Variants in INPP5F observed in about 807,000 individuals in gnomAD.
The protein encoded by INPP5F is inositol polyphosphate-5-phosphatase F, also known as phosphatidylinositide 4-phosphatase SAC2.
Under a neutral mutation model 137.2 loss-of-function variants are expected in INPP5F, and 97 were observed. The observed-to-expected ratio is 0.71, with a 90% CI of 0.60 to 0.84. INPP5F has a LOEUF of 0.84. Among genes scored for constraint, INPP5F ranks in the 40% least tolerant of loss-of-function variants. The probability of loss-of-function intolerance (pLI) is 0.00; values close to 1 mark genes in which losing one functional copy is unlikely to be tolerated. For missense variants in INPP5F, 1,271 were observed against 1,371.9 expected (o/e 0.93, Z 1.16); for synonymous variants, 504 against 476.9 (o/e 1.06, Z -0.74).
At chr10:119,771,884 T>TATATATA (rs1849373704) in intron 2 of INPP5F, among the ~76,000 whole-genome samples, 9 of 29,092 alleles carry the variant, frequency 3.1e-4, no homozygotes, top group Non-Finnish European at 4.9e-4. Flanking sequence ...ATATATATAT[T>TATATATA]TTTTTTTTTT....
At chr10:119,790,526 T>A (rs1850103057) in intron 3 of INPP5F, among the ~76,000 whole-genome samples, 1 of 152,212 alleles carries the variant, frequency 6.6e-6, no homozygotes, top group Non-Finnish European at 1.5e-5. Flanking sequence ...TATTAGTTTC[T>A]ACTTCCAAAT....
In INPP5F at chr10:119,827,512, C is replaced by G. The variant is rs1419490908; in HGVS notation, c.3131C>G (p.Ser1044Cys). The G allele has an allele frequency of 6.2e-7, 1 of 1,614,200 alleles. No homozygotes were observed. Among genetic ancestry groups the G allele is most frequent in the Admixed American group, 1.7e-5 (1 of 60,026 alleles). Reference protein sequence around the residue: ...VASQKTPTSASSMLELETGLH... With the variant: ...VASQKTPTSACSMLELETGLH... Reference sequence around the variant, plus strand: ...TCTCAAAAAACCCCCACCTCCGCTTCCAGCATGCTTGAACTTGAGACAGGG... The same window carrying G: ...TCTCAAAAAACCCCCACCTCCGCTTGCAGCATGCTTGAACTTGAGACAGGG... Residue 1044 changes from serine to cysteine, a missense_variant, in exon 20 of 20, where the codon TCC becomes TGC. By Grantham distance (112) the Ser-to-Cys change is moderately radical (BLOSUM62 -1). This residue lies in a region of INPP5F where 490 missense variants were observed against 443.7 expected (regional missense o/e 1.10). Transcript: ENST00000650623.
At chr10:119,743,113 T>G (rs1412567137) in intron 1 of INPP5F, among the ~76,000 whole-genome samples, 1 of 152,256 alleles carries the variant, frequency 6.6e-6, no homozygotes, top group East Asian at 1.9e-4. Flanking sequence ...TGTCTTTGTC[T>G]CAAATAGACC....
intron 15 of INPP5F, among the ~76,000 whole-genome samples, chr10:119,818,103 C>A (rs1438766753): frequency 6.6e-6 from 1 of 152,260 alleles, no homozygotes; most frequent in South Asian, 2.1e-4. Flanking sequence ...TGTCCTGGCC[C>A]TTCTCCCATG....
chr10:119,820,105 T>C (rs557095743), intron 15 of INPP5F, among the ~76,000 whole-genome samples: 1 of 152,360 alleles, frequency 6.6e-6, no homozygotes, highest in East Asian at 1.9e-4. Flanking sequence ...ATTCAGATTC[T>C]GCCTGTGTTG....
chr10:119,785,123 T>G (rs111798654), intron 3 of INPP5F, among the ~76,000 whole-genome samples: 2,088 of 152,138 alleles, frequency 0.014, 64 homozygotes, highest in African/African-American at 0.048. Flanking sequence ...GACATTTGAG[T>G]TGTTTCCACC....
chr10:119,739,983 G>A (rs1212814729), intron 1 of INPP5F, among the ~76,000 whole-genome samples: 1 of 152,096 alleles, frequency 6.6e-6, no homozygotes, highest in Non-Finnish European at 1.5e-5. Context: ...ACATGTATTA[G>A]AAGTTATTTC....
At position 119,827,461 on chromosome 10, in the gene INPP5F, C is replaced by T; in HGVS notation, c.3080C>T (p.Ser1027Leu). Residue 1027 changes from serine to leucine, a missense_variant, in exon 20 of 20, where the codon TCA (serine) becomes TTA (leucine). Coordinates refer to ENST00000650623, the MANE Select transcript of INPP5F (RefSeq NM_014937.4). ...TCTGCAACAGGCCCACAGTTTTTGTCAGTTGAGCCAGCGCATTCAGTTGCA... is the reference window on the plus strand; with the variant it reads ...TCTGCAACAGGCCCACAGTTTTTGTTAGTTGAGCCAGCGCATTCAGTTGCA... ...SLSATGPQFLSVEPAHSVASQ... is the reference protein window; with the variant it reads ...SLSATGPQFLLVEPAHSVASQ... 1 of 1,614,186 alleles carries T rather than the reference C, an allele frequency of 6.2e-7. No homozygotes were observed. The highest frequency in any genetic ancestry group is 8.5e-7 in the Non-Finnish European group (1 of 1,180,032).
chr10:119,777,041 G>A (rs1185836064), intron 2 of INPP5F, among the ~76,000 whole-genome samples: 2 of 152,056 alleles, frequency 1.3e-5, no homozygotes, highest in African/African-American at 4.8e-5. Flanking sequence ...ATGAGCCACC[G>A]CACCTGGCCT....
At chr10:119,810,267 C>CT in intron 14 of INPP5F, 50 bp downstream of exon 14, 1 of 977,026 alleles carries the variant, frequency 1.0e-6, no homozygotes, top group South Asian at 1.4e-5. Flanking sequence ...TCTTCTGTGA[C>CT]TAATATTTTA....
intron 19 of INPP5F, chr10:119,826,048 A>G: frequency 2.5e-6 from 1 of 398,470 alleles, no homozygotes; most frequent in East Asian, 3.6e-5. Flanking sequence ...AGAAAATGGA[A>G]GTCTTACTCC....
In INPP5F at chr10:119,748,803, C is replaced by T. The variant is rs903725601; in HGVS notation, c.98-2273C>T. On this transcript the variant is annotated intron_variant, in intron 1 of 19. Transcript: ENST00000650623. The surrounding 1 kb of genome is among the most constrained non-coding windows in gnomAD (Gnocchi z 4.7). ...CCAGCTCACGGACTCCACCCGGAACCTGCAGCTCAGACCCCAGGCTTCAGG... is the reference window on the plus strand; with the variant it reads ...CCAGCTCACGGACTCCACCCGGAACTTGCAGCTCAGACCCCAGGCTTCAGG... 6.6e-6 allele frequency among the ~76,000 whole-genome samples: 1 copy of T among 152,224 alleles called. No homozygotes were observed. The highest frequency in any genetic ancestry group is 6.5e-5 in the Admixed American group (1 of 15,286).
In INPP5F at chr10:119,760,861, T is replaced by C. The variant is rs188552656; in HGVS notation, c.178+9705T>C. 1.4e-4 allele frequency among the ~76,000 whole-genome samples: 22 copies of C among 152,330 alleles called. No individual in the cohort carries two copies. The East Asian group carries it at 4.2e-3, about 29-fold the overall frequency. On this transcript the variant is annotated intron_variant, in intron 2 of 19. Transcript: ENST00000650623. ...GATTAACTTGTATTGTGAGTAAAAA[T>C]CCTGATTGTCTTTAGTATGCTGGAG...
intron 1 of INPP5F, among the ~76,000 whole-genome samples, chr10:119,726,632 G>T (rs920128395): frequency 1.3e-5 from 2 of 152,238 alleles, no homozygotes; most frequent in Non-Finnish European, 2.9e-5. Flanking sequence ...CTTGGGGCTT[G>T]GGGCCCAGGC....
intron 1 of INPP5F, among the ~76,000 whole-genome samples, chr10:119,738,860 C>T (rs549409496): frequency 1.8e-4 from 28 of 152,068 alleles, no homozygotes; most frequent in African/African-American, 6.7e-4. Context: ...CTAGAGTTTT[C>T]AAGATAATAT....
intron 1 of INPP5F, among the ~76,000 whole-genome samples, chr10:119,747,284 T>TA (rs1379869041): frequency 6.6e-6 from 1 of 152,006 alleles, no homozygotes; most frequent in Non-Finnish European, 1.5e-5. Context: ...AGTGCAGTGG[T>TA]ATGATCTCAG....
chr10:119,796,530 GA>G (rs897134051), intron 6 of INPP5F, among the ~76,000 whole-genome samples, 184 bp from the exon 7 acceptor site: 1 of 152,124 alleles, frequency 6.6e-6, no homozygotes, highest in African/African-American at 2.4e-5. Context: ...TCACCATAAA[GA>G]AAAGGAAAGA....
chr10:119,752,603 A>C (rs1171618435), intron 2 of INPP5F, among the ~76,000 whole-genome samples: 1 of 151,354 alleles, frequency 6.6e-6, no homozygotes, highest in South Asian at 2.1e-4. Context: ...AAAAAAAAAA[A>C]GAAATGAAAT....
intron 1 of INPP5F, among the ~76,000 whole-genome samples, chr10:119,729,744 ATTTTTTTTTT>A (rs34359657): frequency 2.3e-5 from 3 of 128,234 alleles, no homozygotes; most frequent in Non-Finnish European, 5.0e-5. Flanking sequence ...CACCTGGCTA[ATTTTTTTTTT>A]TTTTTTTTTT....
Sources: allele counts gnomAD v4.1 joint callset (sites outside exome capture counted in the v4.1 genomes callset), GRCh38; gene constraint gnomAD v4.1.1; regional missense constraint gnomAD v4.1.1; non-coding constraint Gnocchi (gnomAD v3.1); transcripts MANE v1.5; gene names NCBI Gene and HGNC (gene_info 2026-07-23, HGNC 2026-07-21).